LRP2: variants seen among roughly 807,000 people sequenced by gnomAD.
LRP2 encodes the protein low-density lipoprotein receptor-related protein 2.
Under a neutral mutation model 531.0 loss-of-function variants are expected in LRP2, and 172 were observed. That is an observed-to-expected ratio of 0.32 (90% confidence interval 0.29 to 0.37). The LOEUF is 0.37. Ranked by LOEUF, LRP2 falls within the 10% of genes least tolerant of loss-of-function variation. The pLI is 1.00. For missense variants in LRP2, 5,167 were observed against 5,868.3 expected (o/e 0.88, Z 3.90); for synonymous variants, 1,992 against 2,027.6 (o/e 0.98, Z 0.47).
intron 16 of LRP2, among the ~76,000 whole-genome samples, chr2:169,268,992 T>G (rs888205430): frequency 5.3e-5 from 8 of 152,018 alleles, no homozygotes; most frequent in Non-Finnish European, 1.0e-4. Context: ...ATGAGTGAAC[T>G]CCCATTCACA....
intron 3 of LRP2, among the ~76,000 whole-genome samples, chr2:169,308,386 C>T (rs561480081): frequency 3.3e-5 from 5 of 152,230 alleles, no homozygotes; most frequent in South Asian, 2.1e-4. Flanking sequence ...CCCTACCCCA[C>T]GACAGGACCC....
In LRP2 at chr2:169,213,763, T is replaced by C. The variant is rs1294127216; in HGVS notation, c.5934A>G (p.Glu1978=). 6.2e-7 allele frequency: 1 copy of C among 1,610,174 alleles called. No homozygotes were observed. Among genetic ancestry groups the C allele is most frequent in the Non-Finnish European group, 8.5e-7 (1 of 1,176,438 alleles). ...CAACTCTTTCAATGACCTCATACTGTTCATCAGTATAATAAAGGAAAGAAT... is the reference window on the plus strand; with the variant it reads ...CAACTCTTTCAATGACCTCATACTGCTCATCAGTATAATAAAGGAAAGAAT... ...VHDSFLYYTD[E]QYEVIERVDK... Residue 1978 remains glutamate (E), a synonymous_variant, in exon 36 of 79, where the codon GAA becomes GAG. Transcript: ENST00000649046.
rs111733491 is a variant in LRP2, at chr2:169,236,027, C to T, written c.4733G>A (p.Arg1578His). The T allele has an allele frequency of 1.5e-5, 25 of 1,614,074 alleles. 1 individual carries two copies. Among genetic ancestry groups the T allele is most frequent in the African/African-American group, 9.3e-5 (7 of 75,056 alleles). ...GCCGTCCATGCTGGCTCGCTCGATG[C>T]GAGGGTGGTGGCCCCAGTCAGACCA... ...LFWSDWGHHP[R>H]IERASMDGSM... Residue 1578 changes from arginine (R) to histidine (H), a missense_variant, in exon 29 of 79, where the codon CGC becomes CAC. Around this residue, in one of 6 missense-constraint regions of LRP2, gnomAD observed 2,811 missense variants for 3,058.0 expected, o/e 0.92. Transcript: ENST00000649046.
At chr2:169,328,475 G>GAAAAAA (rs1685182943) in intron 1 of LRP2, among the ~76,000 whole-genome samples, 3 of 129,532 alleles carry the variant, frequency 2.3e-5, no homozygotes, top group Admixed American at 8.0e-5. Flanking sequence ...GAAAAAAAAA[G>GAAAAAA]AAATAAATAA....
chr2:169,197,877 C>A (rs1688058495), intron 45 of LRP2, among the ~76,000 whole-genome samples: 1 of 152,090 alleles, frequency 6.6e-6, no homozygotes, highest in Admixed American at 6.5e-5. Context: ...ATTATGATGC[C>A]CTTTGATTTC....
intron 33 of LRP2, among the ~76,000 whole-genome samples, chr2:169,221,666 G>A (rs756310147): frequency 1.3e-5 from 2 of 152,074 alleles, no homozygotes; most frequent in African/African-American, 2.4e-5. Flanking sequence ...GCGTGTGCAC[G>A]TGTGTGCACG....
rs1683640856 is a variant in LRP2, at chr2:169,279,454, T to C, written c.1483A>G (p.Asn495Asp). The C allele has an allele frequency of 6.2e-7, 1 of 1,613,940 alleles. No individual in the cohort carries two copies. The highest frequency in any genetic ancestry group is 8.5e-7 in the Non-Finnish European group (1 of 1,179,996). The part of the protein sequence containing the change: ...ETKVNRIDMV[N>D]LDGSYRVTLI... The stretch of plus-strand genomic sequence containing the variant: ...GTAACCCGATAGCTTCCATCCAAAT[T>C]TACCATATCTATGCGGTTGACCTTG... The change falls in exon 12 of 79, where the codon AAT becomes GAT. Residue 495 changes from asparagine to aspartate, a missense_variant. Physicochemically the swap from Asn to Asp is conservative, Grantham distance 23 (BLOSUM62 1). Transcript: ENST00000649046.
In LRP2 at chr2:169,220,478, C is replaced by T. The variant is rs766059167; in HGVS notation, c.5624G>A (p.Gly1875Asp). 1.2e-6 allele frequency: 2 copies of T among 1,613,502 alleles called. No individual in the cohort carries two copies. The highest frequency in any genetic ancestry group is 1.7e-6 in the Non-Finnish European group (2 of 1,179,570). ...CCCACGAGCAGGATCAACAGTTATG[C>T]CAATTGGAAAGCCAACTCCAAGAGC... ...GTALGVGFPI[G>D]ITVDPARGKL... is the part of the protein sequence containing the mutation. Residue 1875 changes from glycine to aspartate, a missense_variant, in exon 34 of 79, where the codon GGC becomes GAC. By Grantham distance (94) the Gly-to-Asp change is moderately conservative. Around this residue, in one of 6 missense-constraint regions of LRP2, gnomAD observed 2,811 missense variants for 3,058.0 expected, o/e 0.92. Transcript: ENST00000649046.
At chr2:169,297,104 C>A (rs1284527517) in intron 4 of LRP2, among the ~76,000 whole-genome samples, 1 of 152,186 alleles carries the variant, frequency 6.6e-6, no homozygotes, top group Non-Finnish European at 1.5e-5. Context: ...ACCTGAAAAT[C>A]TGTTTCTGAA....
Position 169,307,350 on chromosome 2 carries a change from A to G in LRP2, c.358T>C (p.Cys120Arg), listed in dbSNP as rs746387870. 1.2e-6 allele frequency: 2 copies of G among 1,614,144 alleles called. No homozygotes were observed. Among genetic ancestry groups the G allele is most frequent in the South Asian group, 1.1e-5 (1 of 91,082 alleles). The part of the protein sequence containing the change: ...SHQITCSNGQ[C>R]IPSEYRCDHV... ...TCGCACCTGTATTCACTTGGGATAC[A>G]CTGACCATTGGAGCATGTTATCTGA... Residue 120 changes from cysteine (C) to arginine (R), a missense_variant, in exon 4 of 79, where the codon TGT becomes CGT. Cys to Arg is a radical substitution (Grantham distance 180). Transcript: ENST00000649046.
Position 169,275,185 on chromosome 2 carries a change from A to G in LRP2, c.1826T>C (p.Leu609Ser). The change falls in exon 14 of 79, where the codon TTA (leucine) becomes TCA (serine). Residue 609 changes from leucine (L) to serine (S), a missense_variant. This residue lies in a region of LRP2 where 2,811 missense variants were observed against 3,058.0 expected (regional missense o/e 0.92). Transcript: ENST00000649046. ...TGTAAAGAACACCTGACCTTCAAAT[A>G]AGCTTACTCCAAAGGGATGAGGAAT... Reference protein sequence around the residue: ...SLIPHPFGVSLFEGQVFFTDW... With the variant: ...SLIPHPFGVSSFEGQVFFTDW... 1 of 1,613,790 alleles carries G rather than the reference A, an allele frequency of 6.2e-7. No individual in the cohort carries two copies. The highest frequency in any genetic ancestry group is 8.5e-7 in the Non-Finnish European group (1 of 1,179,824).
chr2:169,201,548 T>G, intron 44 of LRP2, 80 bp downstream of exon 44: 1 of 1,584,632 alleles, frequency 6.3e-7, no homozygotes, highest in South Asian at 1.2e-5. Flanking sequence ...TGGAAAGCCT[T>G]TTTTTTATAT....
rs749441478 is a variant in LRP2 at position 169,247,528 on chromosome 2, A to C, written c.2771-13T>G. 49 of 1,613,898 alleles carry C rather than the reference A, an allele frequency of 3.0e-5. No individual in the cohort carries two copies. The highest frequency in any genetic ancestry group is 3.8e-5 in the Non-Finnish European group (45 of 1,179,920). On this transcript the variant is annotated splice_polypyrimidine_tract_variant and intron_variant, in intron 19 of 78. Transcript: ENST00000649046. ...AAAAATAAATGCTCTGAAAAGAAACATGGGTAGATTAGTATTTTCAGTCAC... is the reference window on the plus strand; with the variant it reads ...AAAAATAAATGCTCTGAAAAGAAACCTGGGTAGATTAGTATTTTCAGTCAC...
At chr2:169,265,914 GA>G (rs1245688552) in intron 16 of LRP2, among the ~76,000 whole-genome samples, 5 of 150,986 alleles carry the variant, frequency 3.3e-5, no homozygotes, top group African/African-American at 9.7e-5. Context: ...GGGGTCTCCA[GA>G]AAGAAAAAAA....
intron 77 of LRP2, among the ~76,000 whole-genome samples, chr2:169,130,482 T>A (rs930579358): frequency 6.6e-6 from 1 of 152,084 alleles, no homozygotes; most frequent in African/African-American, 2.4e-5. Flanking sequence ...GAGATGGGGT[T>A]TCACTATGTT....
At position 169,188,528 on chromosome 2, in the gene LRP2, C is replaced by T. The variant is rs62172603; in HGVS notation, c.9033-263G>A. Among the ~76,000 whole-genome samples, 3,279 of 152,280 alleles carry T rather than the reference C, an allele frequency of 0.022. 44 individuals carry two copies. The highest frequency in any genetic ancestry group is 0.031 in the Non-Finnish European group (2,090 of 68,022). On this transcript the variant is annotated intron_variant, in intron 48 of 78. Coordinates refer to ENST00000649046, the MANE Select transcript of LRP2 (RefSeq NM_004525.3). ...CCATTAGAAATGCTACCATTAAATGCTACCATTTAATAGCTATAGATAATT... is the reference window on the plus strand; with the variant it reads ...CCATTAGAAATGCTACCATTAAATGTTACCATTTAATAGCTATAGATAATT...
Position 169,206,753 on chromosome 2 carries a change from G to A in LRP2, c.6967C>T (p.Leu2323=), listed in dbSNP as rs149367019. Residue 2323 remains leucine, a synonymous_variant, in exon 39 of 79, where the codon CTA becomes TTA. Transcript: ENST00000649046. ...TTGTCAAAGATGGTCACATCTCTTA[G>A]CCAGTTGATATTGTCTCTTATCACT... ...PTVIRDNINW[L]RDVTIFDKQV... is the part of the protein sequence containing the mutation. 5.3e-3 allele frequency: 8,542 copies of A among 1,614,136 alleles called. 37 individuals are homozygous for A. The highest frequency in any genetic ancestry group is 6.1e-3 in the Non-Finnish European group (7,198 of 1,180,012).
At chr2:169,317,747 G>A (rs75290491) in intron 3 of LRP2, among the ~76,000 whole-genome samples, 8 of 152,164 alleles carry the variant, frequency 5.3e-5, no homozygotes, top group South Asian at 2.1e-4. Context: ...CTCATAGGTC[G>A]CCATCTTATA....
intron 35 of LRP2, among the ~76,000 whole-genome samples, chr2:169,215,594 A>T (rs910759574): frequency 6.6e-6 from 1 of 151,404 alleles, no homozygotes; most frequent in African/African-American, 2.4e-5. Context: ...AAATAAATAG[A>T]TACATACATA....
Sources: gnomAD v4.1 joint callset for allele counts (sites outside exome capture counted in the v4.1 genomes callset) on GRCh38, gnomAD v4.1.1 for gene constraint, gnomAD v4.1.1 regional missense constraint, MANE v1.5 for transcripts, NCBI Gene and HGNC (gene_info 2026-07-23, HGNC 2026-07-21) for gene names.